Variants in SPATS2 observed in about 807,000 individuals in gnomAD.
The protein encoded by SPATS2 is spermatogenesis associated serine rich 2, also known as spermatogenesis-associated serine-rich protein 2.
In SPATS2, 38 loss-of-function variants were observed where a neutral mutation model predicts 63.7. The ratio of observed to expected loss-of-function variants is 0.60; its 90% CI spans 0.46 to 0.78. The LOEUF is 0.78. Among genes scored for constraint, SPATS2 ranks in the 30% least tolerant of loss-of-function variants. SPATS2 has a pLI of 0.00. For synonymous variants in SPATS2, 207 were observed against 232.9 expected (o/e 0.89, Z 1.01); for missense variants, 588 against 666.2 (o/e 0.88, Z 1.29).
chr12:49,475,047 C>T (rs1946095228), intron 3 of SPATS2, among the ~76,000 whole-genome samples: 1 of 152,184 alleles, frequency 6.6e-6, no homozygotes, highest in African/African-American at 2.4e-5. Flanking sequence ...ATGATTCAGT[C>T]ATCTCCCACC....
chr12:49,502,964 G>A (rs1946589524), intron 9 of SPATS2, among the ~76,000 whole-genome samples: 2 of 152,112 alleles, frequency 1.3e-5, no homozygotes, highest in Admixed American at 6.5e-5. Context: ...ATTATTTTAG[G>A]TAACTGATTT....
intron 2 of SPATS2, among the ~76,000 whole-genome samples, chr12:49,429,281 G>T (rs1217933284): frequency 6.6e-6 from 1 of 151,968 alleles, no homozygotes; most frequent in East Asian, 1.9e-4. Context: ...AAATTAATTG[G>T]TTTTTCAAAA....
At chr12:49,370,803 G>T (rs533716519) in intron 1 of SPATS2, among the ~76,000 whole-genome samples, 1 of 152,204 alleles carries the variant, frequency 6.6e-6, no homozygotes, top group Non-Finnish European at 1.5e-5. Flanking sequence ...CACCTGCCCA[G>T]AAAGGATCTC....
chr12:49,396,668 C>G (rs1944517593), intron 2 of SPATS2, among the ~76,000 whole-genome samples: 2 of 152,198 alleles, frequency 1.3e-5, no homozygotes, highest in African/African-American at 4.8e-5. Flanking sequence ...TTCCAGGTAA[C>G]TTTTTCCATT....
At chr12:49,514,286 C>G (rs1186258738) in intron 9 of SPATS2, among the ~76,000 whole-genome samples, 1 of 152,144 alleles carries the variant, frequency 6.6e-6, no homozygotes, top group Non-Finnish European at 1.5e-5. Context: ...GTTCTCAACT[C>G]TTAGACGTCT....
chr12:49,377,347 G>A (rs921756501), intron 2 of SPATS2, among the ~76,000 whole-genome samples: 1 of 152,100 alleles, frequency 6.6e-6, no homozygotes, highest in African/African-American at 2.4e-5. Context: ...GCGTAACAAC[G>A]ACTACTAAAT....
chr12:49,371,075 A>T (rs1249068262), intron 1 of SPATS2, among the ~76,000 whole-genome samples, 153 bp from the exon 2 acceptor site: 1 of 152,222 alleles, frequency 6.6e-6, no homozygotes, highest in Admixed American at 6.5e-5. Flanking sequence ...TTAGCGTTTT[A>T]ACCATTTTTA....
intron 2 of SPATS2, among the ~76,000 whole-genome samples, chr12:49,424,256 C>T (rs902213667): frequency 6.6e-6 from 1 of 152,038 alleles, no homozygotes; most frequent in Non-Finnish European, 1.5e-5. Flanking sequence ...TATTTTTCTA[C>T]TTCAGTGATA....
At chr12:49,400,023 G>A (rs1436248125) in intron 2 of SPATS2, among the ~76,000 whole-genome samples, 3 of 152,142 alleles carry the variant, frequency 2.0e-5, no homozygotes, top group Middle Eastern at 3.2e-3. Context: ...GCGACAGAGC[G>A]AGACTCCGTC....
At chr12:49,490,425 A>G (rs1946363631) in intron 5 of SPATS2, 3 of 432,350 alleles carry the variant, frequency 6.9e-6, no homozygotes, top group Non-Finnish European at 1.2e-5. Flanking sequence ...AAAATGGCCC[A>G]GCTACATTAG....
At chr12:49,493,396 T>TG (rs1946415770) in intron 6 of SPATS2, among the ~76,000 whole-genome samples, 1 of 146,428 alleles carries the variant, frequency 6.8e-6, no homozygotes, top group African/African-American at 2.5e-5. Flanking sequence ...CACTGAAACA[T>TG]CTTTTTTTTT....
intron 3 of SPATS2, among the ~76,000 whole-genome samples, chr12:49,464,576 G>A (rs113323034): frequency 7.6e-4 from 113 of 147,820 alleles, no homozygotes; most frequent in Non-Finnish European, 2.5e-4. Context: ...GCGATGAGCC[G>A]AGATCGTGCC....
At chr12:49,385,356 A>AAGTG (rs1555178217) in intron 2 of SPATS2, among the ~76,000 whole-genome samples, 1 of 84,146 alleles carries the variant, frequency 1.2e-5, no homozygotes, top group African/African-American at 5.6e-5. Context: ...GTAAGTATAT[A>AAGTG]AGTGTGTGTG....
At chr12:49,424,812 T>G (rs1291780689) in intron 2 of SPATS2, among the ~76,000 whole-genome samples, 1 of 152,158 alleles carries the variant, frequency 6.6e-6, no homozygotes, top group African/African-American at 2.4e-5. Context: ...CCCAAGTAGC[T>G]GGGATTACAG....
intron 2 of SPATS2, among the ~76,000 whole-genome samples, chr12:49,379,344 G>A (rs1464870800): frequency 2.0e-5 from 3 of 149,880 alleles, no homozygotes; most frequent in East Asian, 2.1e-4. Flanking sequence ...TCAGGAGATC[G>A]AGACCATCCT....
At chr12:49,411,788 T>A (rs1944801797) in intron 2 of SPATS2, among the ~76,000 whole-genome samples, 1 of 152,188 alleles carries the variant, frequency 6.6e-6, no homozygotes, top group East Asian at 1.9e-4. Context: ...GTAAGTTACC[T>A]TGACCTCAGG....
intron 2 of SPATS2, among the ~76,000 whole-genome samples, chr12:49,400,943 C>G (rs548237222): frequency 2.6e-5 from 4 of 152,302 alleles, no homozygotes; most frequent in African/African-American, 9.6e-5. Context: ...TGGTGCATAG[C>G]TCACTGCATC....
At chr12:49,490,440 T>C (rs1592451193) in intron 5 of SPATS2, 1 of 493,396 alleles carries the variant, frequency 2.0e-6, no homozygotes, top group East Asian at 3.5e-5. Flanking sequence ...CATTAGTCTC[T>C]TCTTAGAAGA....
chr12:49,403,726 G>A (rs1442851455), intron 2 of SPATS2, among the ~76,000 whole-genome samples: 1 of 151,674 alleles, frequency 6.6e-6, no homozygotes, highest in African/African-American at 2.4e-5. Context: ...AAATATCCTG[G>A]AAACTGGGTG....
Sources: gnomAD v4.1 joint callset for allele counts (sites outside exome capture counted in the v4.1 genomes callset) on GRCh38, gnomAD v4.1.1 for gene constraint, MANE v1.5 for transcripts, NCBI Gene and HGNC (gene_info 2026-07-23, HGNC 2026-07-21) for gene names.